The following TIGAR variants were observed in gnomAD, a reference collection of about 807,000 sequenced individuals.
TIGAR encodes the protein TP53 induced glycolysis regulatory phosphatase, also known as fructose-2,6-bisphosphatase TIGAR.
In TIGAR, 7 loss-of-function variants were observed where a neutral mutation model predicts 17.9. The ratio of observed to expected loss-of-function variants is 0.39; its 90% CI spans 0.22 to 0.73. The LOEUF is 0.73. TIGAR is among the 30% of genes least tolerant of loss of function. TIGAR has a pLI of 0.42. For synonymous variants in TIGAR, 94 were observed against 108.6 expected (o/e 0.87, Z 0.84); for missense variants, 258 against 327.4 (o/e 0.79, Z 1.64).
At chr12:4,324,347 A>G in intron 1 of TIGAR, 1 of 741,424 alleles carries the variant, frequency 1.3e-6, no homozygotes, top group South Asian at 1.6e-5. Context: ...TTTTGGAAAT[A>G]TGTGTGCCTT....
chr12:4,336,905 AGTTACGTGGAAG>A (rs1182134679), intron 2 of TIGAR, 122 bp from the exon 3 acceptor site: 5 of 1,044,378 alleles, frequency 4.8e-6, no homozygotes, highest in Non-Finnish European at 5.2e-6. Context: ...CTCCCTGAAA[AGTTACGTGGAAG>A]AGTACTTAAA....
chr12:4,344,208 C>G (rs2120680387), intron 3 of TIGAR, among the ~76,000 whole-genome samples: 2 of 152,326 alleles, frequency 1.3e-5, no homozygotes, highest in South Asian at 4.1e-4. Context: ...AGACCAGTAA[C>G]AGGCTCTGAA....
chr12:4,344,949 AC>A (rs1864763723), intron 3 of TIGAR, among the ~76,000 whole-genome samples: 3 of 152,352 alleles, frequency 2.0e-5, no homozygotes, highest in Admixed American at 6.5e-5. Context: ...TGCAAAAATC[AC>A]AAGCCTTATT....
intron 3 of TIGAR, among the ~76,000 whole-genome samples, chr12:4,337,717 A>T (rs1178535598): frequency 6.6e-6 from 1 of 152,270 alleles, no homozygotes; most frequent in African/African-American, 2.4e-5. Flanking sequence ...AAATGACAGG[A>T]GAAATTAATC....
intron 2 of TIGAR, chr12:4,335,705 AC>A: frequency 6.6e-6 from 1 of 152,390 alleles, no homozygotes; most frequent in African/African-American, 2.4e-5. Context: ...GTACTTTGTT[AC>A]AGCAACTAAG....
At chr12:4,350,513 C>T (rs1371116368) in intron 4 of TIGAR, among the ~76,000 whole-genome samples, 5 of 152,130 alleles carry the variant, frequency 3.3e-5, no homozygotes, top group African/African-American at 9.7e-5. Flanking sequence ...TGGTGGCTTA[C>T]GCTTGTAATC....
chr12:4,354,875 G>T lies in TIGAR; in HGVS notation c.*2184G>T, dbSNP rs1476059963. 6.7e-6 allele frequency among the ~76,000 whole-genome samples: 1 copy of T among 150,170 alleles called. No individual in the cohort carries two copies. Among genetic ancestry groups the T allele is most frequent in the Non-Finnish European group, 1.5e-5 (1 of 67,764 alleles). ...GCCTCCTGAGTAGCTGGGACTACAG[G>T]CATGCACCACCACGCCTGGCCTTTT... On this transcript the variant is annotated 3_prime_UTR_variant, in exon 6 of 6. Transcript: ENST00000179259.
chr12:4,336,446 G>GCACACACA lies in TIGAR; in HGVS notation c.71-551_71-544dup, dbSNP rs10595001. ...TATGTTCTGTGGGCCCAGCAATGCAGCACACACACACACACACACACACAC... is the reference window on the plus strand; with the variant it reads ...TATGTTCTGTGGGCCCAGCAATGCAGCACACACACACACACACACACACACACACACAC... On this transcript the variant is annotated intron_variant, in intron 2 of 5. Transcript: ENST00000179259. 6.2e-3 allele frequency among the ~76,000 whole-genome samples: 855 copies of GCACACACA among 138,524 alleles called. 8 individuals carry two copies. Among genetic ancestry groups the GCACACACA allele is most frequent in the African/African-American group, 0.015 (538 of 36,952 alleles). 90.9% of individuals were successfully genotyped at this position (138,524 alleles called of 152,430 possible). A position where few individuals can be genotyped will look rare whatever the true frequency, so the allele number is the denominator to read the frequency against.
chr12:4,327,891 C>G (rs1411059187), intron 1 of TIGAR, among the ~76,000 whole-genome samples: 1 of 152,220 alleles, frequency 6.6e-6, no homozygotes, highest in East Asian at 1.9e-4. Flanking sequence ...TGGTCTCAAA[C>G]TCCTGACCTC....
At chr12:4,338,189 G>A (rs73044333) in intron 3 of TIGAR, among the ~76,000 whole-genome samples, 16,562 of 152,200 alleles carry the variant, frequency 0.11, 1,142 homozygotes, top group South Asian at 0.22. Context: ...TCCATGGAAG[G>A]AGAGTTTTGT....
intron 4 of TIGAR, among the ~76,000 whole-genome samples, chr12:4,350,958 C>T (rs1411607296): frequency 6.6e-6 from 1 of 152,122 alleles, no homozygotes; most frequent in Non-Finnish European, 1.5e-5. Context: ...ATGTTAATCT[C>T]TAGTCCTATA....
intron 1 of TIGAR, among the ~76,000 whole-genome samples, chr12:4,327,737 G>A (rs868815001): frequency 5.9e-5 from 9 of 152,218 alleles, no homozygotes; most frequent in African/African-American, 1.9e-4. Flanking sequence ...GCGCAATCTC[G>A]GCTCACTGCA....
At chr12:4,329,573 G>A (rs1343332231) in intron 1 of TIGAR, among the ~76,000 whole-genome samples, 4 of 151,896 alleles carry the variant, frequency 2.6e-5, no homozygotes, top group African/African-American at 7.3e-5. Context: ...TCCTGACATC[G>A]TGATCTACCC....
intron 1 of TIGAR, among the ~76,000 whole-genome samples, chr12:4,330,304 G>C (rs1864590602): frequency 6.6e-6 from 1 of 152,176 alleles, no homozygotes; most frequent in Admixed American, 6.5e-5. Flanking sequence ...GAATTGTTCA[G>C]GTACCAGATT....
At chr12:4,328,411 C>T (rs1334572085) in intron 1 of TIGAR, among the ~76,000 whole-genome samples, 3 of 151,898 alleles carry the variant, frequency 2.0e-5, no homozygotes, top group Non-Finnish European at 4.4e-5. Context: ...AGGATGGTCT[C>T]GGACTCCTGA....
At chr12:4,331,413 G>A (rs1352831217) in intron 2 of TIGAR, 96 bp downstream of exon 2, 8 of 1,109,556 alleles carry the variant, frequency 7.2e-6, no homozygotes, top group Non-Finnish European at 1.1e-5. Flanking sequence ...ACTGGGGGCA[G>A]CACTCCATTG....
chr12:4,354,001 G>T lies in TIGAR; in HGVS notation c.*1310G>T, dbSNP rs1247314185. On this transcript the variant is annotated 3_prime_UTR_variant, in exon 6 of 6. Coordinates refer to ENST00000179259, the MANE Select transcript of TIGAR (RefSeq NM_020375.3). ...TAACTTAATTTTATACACAAGATTG[G>T]TCTTTCAGAAATCTTTATCTAAATG... The T allele has an allele frequency of 6.6e-6, 1 of 152,556 alleles. No individual in the cohort carries two copies. Among genetic ancestry groups the T allele is most frequent in the Non-Finnish European group, 1.5e-5 (1 of 68,022 alleles). The allele number at this position is 152,556 out of a possible 1,614,324, so 9.5% of individuals were successfully genotyped here.
intron 3 of TIGAR, among the ~76,000 whole-genome samples, chr12:4,345,158 A>G (rs1864766160): frequency 6.6e-6 from 1 of 152,236 alleles, no homozygotes; most frequent in Non-Finnish European, 1.5e-5. Context: ...AGGAAGAATC[A>G]ATATCATGAA....
In TIGAR at chr12:4,352,901, A is replaced by G; in HGVS notation, c.*210A>G. The G allele has an allele frequency of 1.9e-6, 1 of 527,686 alleles. No individual in the cohort carries two copies. Among genetic ancestry groups the G allele is most frequent in the East Asian group, 2.9e-5 (1 of 34,160 alleles). 32.7% of individuals were successfully genotyped at this position (527,686 alleles called of 1,614,324 possible). On this transcript the variant is annotated 3_prime_UTR_variant, in exon 6 of 6. Transcript: ENST00000179259. ...AGTACAGTTGGCATTTTCCAGAATA[A>G]TTTTACCACCCTGCTAGATGTCATC...
Sources: allele counts gnomAD v4.1 joint callset (sites outside exome capture counted in the v4.1 genomes callset), GRCh38; gene constraint gnomAD v4.1.1; transcripts MANE v1.5; gene names NCBI Gene and HGNC (gene_info 2026-07-23, HGNC 2026-07-21).